SLCO3A1: variants seen among roughly 807,000 people sequenced by gnomAD.
SLCO3A1 encodes the protein PGE1 transporter.
SLCO3A1 carries 27 observed loss-of-function variants against 63.1 expected under a neutral mutation model. That is an observed-to-expected ratio of 0.43 (90% CI 0.32 to 0.59). The LOEUF is 0.59. Among genes scored for constraint, SLCO3A1 ranks in the 20% least tolerant of loss-of-function variants. The pLI, the probability that SLCO3A1 is intolerant of heterozygous loss-of-function variation, is 0.09. For missense variants in SLCO3A1, 773 were observed against 945.8 expected, an observed-to-expected ratio of 0.82 and a Z score of 2.40; for synonymous variants, 473 against 409.9, an observed-to-expected ratio of 1.15 and a Z score of -1.86.
At chr15:92,049,012 G>C (rs1679006970) in intron 2 of SLCO3A1, among the ~76,000 whole-genome samples, 1 of 152,218 alleles carries the variant, frequency 6.6e-6, no homozygotes, top group Non-Finnish European at 1.5e-5. Context: ...CCAAAGCCTG[G>C]AGAGGTTATA....
intron 9 of SLCO3A1, among the ~76,000 whole-genome samples, chr15:92,152,610 G>C (rs761026573): frequency 6.6e-6 from 1 of 152,224 alleles, no homozygotes; most frequent in Admixed American, 6.5e-5. Flanking sequence ...ATCAGTGGGA[G>C]GGTGCAGTCT....
chr15:91,892,336 A>G (rs1897891766), intron 1 of SLCO3A1, among the ~76,000 whole-genome samples: 1 of 152,090 alleles, frequency 6.6e-6, no homozygotes, highest in Admixed American at 6.5e-5. Flanking sequence ...CTATTTGGAG[A>G]AAAGCGCTAA....
chr15:92,098,827 G>A (rs1225557692), intron 3 of SLCO3A1, among the ~76,000 whole-genome samples: 2 of 152,180 alleles, frequency 1.3e-5, no homozygotes, highest in Non-Finnish European at 2.9e-5. Flanking sequence ...GAGTCTGTGT[G>A]TGGATGGCAT....
chr15:91,926,606 C>CGCGT (rs1567189436), intron 2 of SLCO3A1, among the ~76,000 whole-genome samples: 1 of 63,964 alleles, frequency 1.6e-5, no homozygotes, highest in East Asian at 6.5e-4. Flanking sequence ...TGCGCGCGCG[C>CGCGT]ACGCCCATGC....
downstream of SLCO3A1, among the ~76,000 whole-genome samples, chr15:92,167,455 T>C (rs981620830): frequency 1.3e-5 from 2 of 152,228 alleles, no homozygotes; most frequent in African/African-American, 4.8e-5. Context: ...GACCCAAATA[T>C]AGTATTTATC....
chr15:91,947,205 T>C (rs1384745465), intron 2 of SLCO3A1, among the ~76,000 whole-genome samples: 2 of 152,214 alleles, frequency 1.3e-5, no homozygotes, highest in Non-Finnish European at 2.9e-5. Flanking sequence ...ACCTCCCTCC[T>C]GGGTGCACCT....
rs1317644062 is a variant in SLCO3A1, at chr15:91,897,290, C to G, written c.181-18703C>G. Among the ~76,000 whole-genome samples the G allele has an allele frequency of 6.6e-6, 1 of 152,012 alleles. No individual in the cohort carries two copies. The highest frequency in any genetic ancestry group is 2.1e-4 in the South Asian group (1 of 4,816). On this transcript the variant is annotated intron_variant, in intron 1 of 9. Transcript: ENST00000318445. This position sits in a 1 kb window ranked among gnomAD's most constrained non-coding sequence, Gnocchi z 4.7. ...TGGCCAGTTTAGTAGAGATGGGGATCTCTACTAAAAATTAGCTGGGCATGG... is the reference window on the plus strand; with the variant it reads ...TGGCCAGTTTAGTAGAGATGGGGATGTCTACTAAAAATTAGCTGGGCATGG...
In SLCO3A1 at chr15:91,854,021, A is replaced by G. The variant is rs761842504; in HGVS notation, c.113A>G (p.Asn38Ser). 3.3e-5 allele frequency: 51 copies of G among 1,545,844 alleles called. No homozygotes were observed. The South Asian group carries it at 5.3e-4, about 16-fold the overall frequency. ...KKKKKVSCFS[N>S]IKIFLVSECA... ...AAAAAGAAGGTGTCCTGCTTTTCCA[A>G]CATCAAGATCTTCCTGGTGTCCGAG... Residue 38 changes from asparagine to serine, a missense_variant, in exon 1 of 10, where the codon AAC (asparagine) becomes AGC (serine). This residue lies in a region of SLCO3A1 where 69 missense variants were observed against 64.6 expected (regional missense o/e 1.07). Transcript: ENST00000318445. The surrounding 1 kb of genome is among the most constrained non-coding windows in gnomAD (Gnocchi z 6.4).
At chr15:92,157,854 C>T (rs188571312) in intron 9 of SLCO3A1, among the ~76,000 whole-genome samples, 2 of 152,262 alleles carry the variant, frequency 1.3e-5, no homozygotes, top group Non-Finnish European at 2.9e-5. Context: ...AAAAGCTCTG[C>T]CTGAAGGTAT....
chr15:92,164,728 T>C lies in SLCO3A1; in HGVS notation c.*1593T>C, dbSNP rs549525019. The C allele has an allele frequency of 2.0e-6, 2 of 985,406 alleles. No individual in the cohort carries two copies. The highest frequency in any genetic ancestry group is 1.7e-5 in the African/African-American group (1 of 57,338). 61.0% of individuals were successfully genotyped at this position (985,406 alleles called of 1,614,324 possible). A position where few individuals can be genotyped will look rare whatever the true frequency, so the allele number is the denominator to read the frequency against. On this transcript the variant is annotated 3_prime_UTR_variant, in exon 10 of 10. Transcript: ENST00000318445. ...GAACTAAGGCCCTTGTCTGTGTGTT[T>C]TGAAGGTGGGTGAACCTCAGAGAAT... is the stretch of plus-strand genomic sequence containing the variant.
At chr15:91,953,602 C>T (rs1009140914) in intron 2 of SLCO3A1, among the ~76,000 whole-genome samples, 9 of 152,152 alleles carry the variant, frequency 5.9e-5, no homozygotes, top group African/African-American at 1.2e-4. Flanking sequence ...AAGGGAACTG[C>T]GCGAAGCCTG....
chr15:91,995,123 C>T (rs752372047), intron 2 of SLCO3A1, among the ~76,000 whole-genome samples: 15 of 152,170 alleles, frequency 9.9e-5, no homozygotes, highest in Non-Finnish European at 1.6e-4. Flanking sequence ...CACTAATTTA[C>T]GAAGTGGAGC....
At chr15:91,958,635 G>A (rs1402092205) in intron 2 of SLCO3A1, among the ~76,000 whole-genome samples, 1 of 152,118 alleles carries the variant, frequency 6.6e-6, no homozygotes, top group Non-Finnish European at 1.5e-5. Flanking sequence ...ACAGAGGAAA[G>A]CCTTCTTAAA....
At chr15:92,113,637 G>A (rs1283231951) in intron 4 of SLCO3A1, among the ~76,000 whole-genome samples, 1 of 152,158 alleles carries the variant, frequency 6.6e-6, no homozygotes, top group Non-Finnish European at 1.5e-5. Context: ...GAGGTTAGGA[G>A]GCAAGTTCAT....
intron 9 of SLCO3A1, 62 bp downstream of exon 9, chr15:92,151,076 T>C (rs369394681): frequency 1.8e-6 from 2 of 1,119,120 alleles, no homozygotes; most frequent in South Asian, 1.3e-5. Flanking sequence ...GGTGAGTAAC[T>C]GTCAGTCAAA....
chr15:92,126,395 G>C (rs146209129), intron 6 of SLCO3A1, 136 bp downstream of exon 6: 13 of 676,036 alleles, frequency 1.9e-5, no homozygotes, highest in Admixed American at 1.9e-4. Flanking sequence ...GCATCTTACT[G>C]TCCACGTTGG....
intron 2 of SLCO3A1, among the ~76,000 whole-genome samples, chr15:92,019,116 G>A (rs1394081547): frequency 6.6e-6 from 1 of 152,242 alleles, no homozygotes; most frequent in East Asian, 1.9e-4. Context: ...TGGGCTGGCC[G>A]GTTGCTGCTT....
At chr15:91,971,337 G>T (rs934427461) in intron 2 of SLCO3A1, among the ~76,000 whole-genome samples, 13 of 137,044 alleles carry the variant, frequency 9.5e-5, no homozygotes, top group Admixed American at 2.5e-4. Flanking sequence ...GGAGCTTGCA[G>T]TGAGCCGAGG....
intron 7 of SLCO3A1, among the ~76,000 whole-genome samples, chr15:92,129,393 C>T (rs1426273657): frequency 6.6e-6 from 1 of 152,186 alleles, no homozygotes; most frequent in Non-Finnish European, 1.5e-5. Context: ...CATACACCTC[C>T]CTCCAGCTGG....
Sources: gnomAD v4.1 joint callset for allele counts (sites outside exome capture counted in the v4.1 genomes callset) on GRCh38, gnomAD v4.1.1 for gene constraint, gnomAD v4.1.1 regional missense constraint, Gnocchi (gnomAD v3.1) non-coding constraint, MANE v1.5 for transcripts, NCBI Gene and HGNC (gene_info 2026-07-23, HGNC 2026-07-21) for gene names.